Variants in TGFB1I1 observed in about 807,000 individuals in gnomAD.
The protein encoded by TGFB1I1 is transforming growth factor beta-1-induced transcript 1 protein.
Under a neutral mutation model 52.0 loss-of-function variants are expected in TGFB1I1, and 33 were observed. The observed-to-expected ratio is 0.63, with a 90% CI of 0.48 to 0.85. TGFB1I1 has a LOEUF of 0.85. Ranked by LOEUF, TGFB1I1 falls within the 40% of genes least tolerant of loss-of-function variation. TGFB1I1 has a pLI of 0.00. For synonymous variants in TGFB1I1, 236 were observed against 253.3 expected (o/e 0.93, Z 0.65); for missense variants, 577 against 614.9 (o/e 0.94, Z 0.65).
rs1230690762 is a variant in TGFB1I1 at position 31,473,842 on chromosome 16, T to G, written c.190T>G (p.Cys64Gly). 3.1e-6 allele frequency: 5 copies of G among 1,614,012 alleles called. No individual in the cohort carries two copies. In the African/African-American group the frequency reaches 6.7e-5, roughly 22 times the overall value. ...GDKDHLYSTVCKPRSPKPAAP... is the reference protein window; with the variant it reads ...GDKDHLYSTVGKPRSPKPAAP... ...TCCCACTCTGCTTCCCAGCACGGTA[T>G]GCAAGCCTCGGTCCCCAAAGCCTGC... Residue 64 changes from cysteine to glycine, a missense_variant, in exon 4 of 11, where the codon TGC (cysteine) becomes GGC (glycine). Transcript: ENST00000394863.
Position 31,474,721 on chromosome 16 carries a change from C to G in TGFB1I1, c.678C>G (p.Gly226=). ...SRRGVPTQAK[G]LCGSCNKPIA... is the part of the protein sequence containing the mutation. Reference sequence around the variant, plus strand: ...GGGGTGTTCCCACCCAGGCCAAAGGCCTCTGTGGCTCCTGCAATAAACCTA... The same window carrying G: ...GGGGTGTTCCCACCCAGGCCAAAGGGCTCTGTGGCTCCTGCAATAAACCTA... The change falls in exon 7 of 11, where the codon GGC becomes GGG. Residue 226 remains glycine, a synonymous_variant. Transcript: ENST00000394863. The surrounding 1 kb of genome is among the most constrained non-coding windows in gnomAD (Gnocchi z 4.2). 1.9e-6 allele frequency: 3 copies of G among 1,612,002 alleles called. No homozygotes were observed. Among genetic ancestry groups the G allele is most frequent in the Non-Finnish European group, 2.5e-6 (3 of 1,179,336 alleles).
chr16:31,477,122 G>A lies in TGFB1I1; in HGVS notation c.1119+112G>A. On this transcript the variant is annotated intron_variant, in intron 10 of 10. Coordinates refer to ENST00000394863, the MANE Select transcript of TGFB1I1 (RefSeq NM_001042454.3). The surrounding 1 kb of genome is among the most constrained non-coding windows in gnomAD (Gnocchi z 4.7). The stretch of plus-strand genomic sequence containing the variant: ...CAGGGCAGGGGGCGGGCCCTCGGGG[G>A]GGCGGGTCACGGGAGGTGCTGCTAG... 7.2e-7 allele frequency: 1 copy of A among 1,385,134 alleles called. No individual in the cohort carries two copies. The highest frequency in any genetic ancestry group is 9.6e-7 in the Non-Finnish European group (1 of 1,042,882). 85.8% of individuals were successfully genotyped at this position (1,385,134 alleles called of 1,614,324 possible). A position where few individuals can be genotyped will look rare whatever the true frequency, so the allele number is the denominator to read the frequency against.
chr16:31,476,384 C>T lies in TGFB1I1; in HGVS notation c.889-97C>T. On this transcript the variant is annotated intron_variant, in intron 8 of 10. Transcript: ENST00000394863. The surrounding 1 kb of genome is among the most constrained non-coding windows in gnomAD (Gnocchi z 7.6). ...TCCTAGTTAGATCTTCTCCCCCTCC[C>T]CCCACGCATGCCTTAGTCCAGTCAC... 1.5e-6 allele frequency: 2 copies of T among 1,317,056 alleles called. No homozygotes were observed. The highest frequency in any genetic ancestry group is 2.7e-5 in the South Asian group (2 of 75,318). The allele number at this position is 1,317,056 out of a possible 1,614,324, so 81.6% of individuals were successfully genotyped here.
chr16:31,477,358 C>T lies in TGFB1I1; in HGVS notation c.1168C>T (p.Arg390Cys). 6.2e-7 allele frequency: 1 copy of T among 1,611,920 alleles called. No homozygotes were observed. Among genetic ancestry groups the T allele is most frequent in the Non-Finnish European group, 8.5e-7 (1 of 1,179,262 alleles). The stretch of plus-strand genomic sequence containing the variant: ...AGGCAGCTTTTTCGAGCACGAGGGC[C>T]GCCCGTTGTGCGAGAACCACTTCCA... ...SGGSFFEHEG[R>C]PLCENHFHAR... is the part of the protein sequence containing the mutation. The change falls in exon 11 of 11, where the codon CGC becomes TGC. Residue 390 changes from arginine (R) to cysteine (C), a missense_variant. By Grantham distance (180) the Arg-to-Cys change is radical. Transcript: ENST00000394863. The surrounding 1 kb of genome is among the most constrained non-coding windows in gnomAD (Gnocchi z 4.7).
Position 31,476,594 on chromosome 16 carries a change from C to G in TGFB1I1, c.970+32C>G, listed in dbSNP as rs776545976. On this transcript the variant is annotated intron_variant, in intron 9 of 10. Transcript: ENST00000394863. This position sits in a 1 kb window ranked among gnomAD's most constrained non-coding sequence, Gnocchi z 7.6. ...GTGAACTCGACTCCCATCTTAAAAG[C>G]TGCGGGTCCCCTCGACGTCTCGCCC... is the stretch of plus-strand genomic sequence containing the variant. The G allele has an allele frequency of 6.3e-7, 1 of 1,597,908 alleles. No homozygotes were observed. The highest frequency in any genetic ancestry group is 1.1e-5 in the South Asian group (1 of 88,574).
At position 31,477,256 on chromosome 16, in the gene TGFB1I1, G is replaced by T; in HGVS notation, c.1120-54G>T. ...GCGTTATCCGCTAGTAACGCGCGTT[G>T]TCTGGCAGTGGCCGCTGACCTGTCT... is the stretch of plus-strand genomic sequence containing the variant. On this transcript the variant is annotated intron_variant, in intron 10 of 10. Transcript: ENST00000394863. The surrounding 1 kb of genome is among the most constrained non-coding windows in gnomAD (Gnocchi z 4.7). 3 of 1,558,442 alleles carry T rather than the reference G, an allele frequency of 1.9e-6. No homozygotes were observed. Among genetic ancestry groups the T allele is most frequent in the Admixed American group, 1.8e-5 (1 of 56,418 alleles).
At position 31,474,531 on chromosome 16, in the gene TGFB1I1, C is replaced by G; in HGVS notation, c.520-32C>G. ...AGACAATTCCACATCTGCTGCTTTG[C>G]TGACTCAATTCTCATGTCCTCCCCG... On this transcript the variant is annotated intron_variant, in intron 6 of 10. Transcript: ENST00000394863. This position sits in a 1 kb window ranked among gnomAD's most constrained non-coding sequence, Gnocchi z 4.2. The G allele has an allele frequency of 6.2e-7, 1 of 1,611,558 alleles. No homozygotes were observed. Among genetic ancestry groups the G allele is most frequent in the Non-Finnish European group, 8.5e-7 (1 of 1,178,338 alleles).
chr16:31,473,839 G>T lies in TGFB1I1; in HGVS notation c.187G>T (p.Val63Leu). 1.2e-6 allele frequency: 2 copies of T among 1,614,122 alleles called. No homozygotes were observed. Among genetic ancestry groups the T allele is most frequent in the Non-Finnish European group, 1.7e-6 (2 of 1,180,004 alleles). Residue 63 changes from valine (V) to leucine (L), a missense_variant, in exon 4 of 11, where the codon GTA (valine) becomes TTA (leucine). This residue lies in a region of TGFB1I1 where 113 missense variants were observed against 123.9 expected (regional missense o/e 0.91). Coordinates refer to ENST00000394863, the MANE Select transcript of TGFB1I1 (RefSeq NM_001042454.3). ...GGCTCCCACTCTGCTTCCCAGCACG[G>T]TATGCAAGCCTCGGTCCCCAAAGCC... is the stretch of plus-strand genomic sequence containing the variant. Reference protein sequence around the residue: ...SGDKDHLYSTVCKPRSPKPAA... With the variant: ...SGDKDHLYSTLCKPRSPKPAA...
chr16:31,475,385 A>AT (rs1424474255), intron 7 of TGFB1I1: 4 of 152,502 alleles, frequency 2.6e-5, no homozygotes, highest in African/African-American at 7.3e-5. Context: ...CTTCTAGTTC[A>AT]TTTTTTTATT....
At position 31,473,464 on chromosome 16, in the gene TGFB1I1, A is replaced by C; in HGVS notation, c.37A>C (p.Thr13Pro). The change falls in exon 2 of 11, where the codon ACT becomes CCT. Residue 13 changes from threonine to proline, a missense_variant. Coordinates refer to ENST00000394863, the MANE Select transcript of TGFB1I1 (RefSeq NM_001042454.3). ...AGATGCCCTGCTCTCTGACCTGGAG[A>C]CTACCACCTCGCACATGCCAAGGTC... is the stretch of plus-strand genomic sequence containing the variant. ...DLDALLSDLE[T>P]TTSHMPRSGA... 1 of 1,613,522 alleles carries C rather than the reference A, an allele frequency of 6.2e-7. No homozygotes were observed. Among genetic ancestry groups the C allele is most frequent in the Non-Finnish European group, 8.5e-7 (1 of 1,179,912 alleles).
chr16:31,474,791 C>T lies in TGFB1I1; in HGVS notation c.714+34C>T. The T allele has an allele frequency of 6.3e-7, 1 of 1,575,716 alleles. No individual in the cohort carries two copies. Among genetic ancestry groups the T allele is most frequent in the Non-Finnish European group, 8.6e-7 (1 of 1,159,388 alleles). On this transcript the variant is annotated intron_variant, in intron 7 of 10. Coordinates refer to ENST00000394863, the MANE Select transcript of TGFB1I1 (RefSeq NM_001042454.3). This position sits in a 1 kb window ranked among gnomAD's most constrained non-coding sequence, Gnocchi z 4.2. ...AGCCTTGTGAGAAGGGAGGCAGAGA[C>T]CTGTCACAGACCCATCTTTAGTGAG...
At position 31,477,176 on chromosome 16, in the gene TGFB1I1, C is replaced by G; in HGVS notation, c.1120-134C>G. On this transcript the variant is annotated intron_variant, in intron 10 of 10. Coordinates refer to ENST00000394863, the MANE Select transcript of TGFB1I1 (RefSeq NM_001042454.3). The surrounding 1 kb of genome is among the most constrained non-coding windows in gnomAD (Gnocchi z 4.7). ...CCTCGGGTGGGGCGAGTTTTCCGGG[C>G]AGGGTCCCACCGGACGGGATTCTTC... 1 of 1,437,920 alleles carries G rather than the reference C, an allele frequency of 7.0e-7. No homozygotes were observed. Among genetic ancestry groups the G allele is most frequent in the Non-Finnish European group, 9.3e-7 (1 of 1,080,052 alleles). The allele number at this position is 1,437,920 out of a possible 1,614,324, so 89.1% of individuals were successfully genotyped here. A position where few individuals can be genotyped will look rare whatever the true frequency, so the allele number is the denominator to read the frequency against.
At position 31,477,634 on chromosome 16, in the gene TGFB1I1, C is replaced by T; in HGVS notation, c.*58C>T. On this transcript the variant is annotated 3_prime_UTR_variant, in exon 11 of 11. Coordinates refer to ENST00000394863, the MANE Select transcript of TGFB1I1 (RefSeq NM_001042454.3). This position sits in a 1 kb window ranked among gnomAD's most constrained non-coding sequence, Gnocchi z 4.7. The stretch of plus-strand genomic sequence containing the variant: ...CCGCGCCCTCCCGGAAAAGCCGGGT[C>T]CTCCAGACCCCGAGGCCTTGCTCTC... The T allele has an allele frequency of 6.6e-7, 1 of 1,514,622 alleles. No homozygotes were observed. The highest frequency in any genetic ancestry group is 8.8e-7 in the Non-Finnish European group (1 of 1,135,236). The allele number at this position is 1,514,622 out of a possible 1,614,324, so 93.8% of individuals were successfully genotyped here. A position where few individuals can be genotyped will look rare whatever the true frequency, so the allele number is the denominator to read the frequency against.
intron 1 of TGFB1I1, chr16:31,472,816 T>C (rs1056811934): frequency 1.3e-5 from 2 of 152,494 alleles, no homozygotes; most frequent in African/African-American, 4.8e-5. Context: ...AGAGGTGTCT[T>C]GTCCGGAAGG....
chr16:31,476,993 G>T lies in TGFB1I1; in HGVS notation c.1102G>T (p.Asp368Tyr). Reference protein sequence around the residue: ...ISALSALWHPDCFVCRECFAP... With the variant: ...ISALSALWHPYCFVCRECFAP... ...GGCGCTCAGCGCGCTCTGGCACCCG[G>T]ACTGTTTCGTCTGCAGGGTGCGAGC... is the stretch of plus-strand genomic sequence containing the variant. Residue 368 changes from aspartate (D) to tyrosine (Y), a missense_variant, in exon 10 of 11, where the codon GAC becomes TAC. Physicochemically the swap from Asp to Tyr is radical, Grantham distance 160. This residue lies in a region of TGFB1I1 where 456 missense variants were observed against 461.6 expected (regional missense o/e 0.99). Coordinates refer to ENST00000394863, the MANE Select transcript of TGFB1I1 (RefSeq NM_001042454.3). The surrounding 1 kb of genome is among the most constrained non-coding windows in gnomAD (Gnocchi z 7.6). 6.3e-7 allele frequency: 1 copy of T among 1,588,932 alleles called. No individual in the cohort carries two copies.
rs779133421 is a variant in TGFB1I1 at position 31,474,280 on chromosome 16, G to A, written c.413+41G>A. On this transcript the variant is annotated intron_variant, in intron 5 of 10. Transcript: ENST00000394863. The surrounding 1 kb of genome is among the most constrained non-coding windows in gnomAD (Gnocchi z 4.2). Reference sequence around the variant, plus strand: ...TTGTCAGGGCTGAGAGATGAGTCCTGGATATCTGAGTCACTAGAGGGAGCG... The same window carrying A: ...TTGTCAGGGCTGAGAGATGAGTCCTAGATATCTGAGTCACTAGAGGGAGCG... 4.3e-6 allele frequency: 7 copies of A among 1,613,388 alleles called. No homozygotes were observed. The South Asian group carries it at 6.6e-5, about 15-fold the overall frequency.
Position 31,477,493 on chromosome 16 carries a change from C to T in TGFB1I1, c.1303C>T (p.Leu435=), listed in dbSNP as rs1160562333. The T allele has an allele frequency of 4.4e-6, 7 of 1,608,086 alleles. No homozygotes were observed. Among genetic ancestry groups the T allele is most frequent in the African/African-American group, 2.7e-5 (2 of 74,802 alleles). ...HPDHFTCTFC[L]RPLTKGSFQE... Reference sequence around the variant, plus strand: ...GGACCACTTCACATGCACCTTCTGCCTGCGCCCGCTCACCAAGGGGTCCTT... The same window carrying T: ...GGACCACTTCACATGCACCTTCTGCTTGCGCCCGCTCACCAAGGGGTCCTT... The change falls in exon 11 of 11, where the codon CTG becomes TTG. Residue 435 remains leucine, a synonymous_variant. Transcript: ENST00000394863. This position sits in a 1 kb window ranked among gnomAD's most constrained non-coding sequence, Gnocchi z 4.7.
intron 1 of TGFB1I1, 45 bp downstream of exon 1, chr16:31,472,246 C>G: frequency 6.9e-7 from 1 of 1,448,974 alleles, no homozygotes; most frequent in Non-Finnish European, 9.1e-7. Context: ...TCACCGCTGC[C>G]CAGAGCTGCC....
In TGFB1I1 at chr16:31,477,227, C is replaced by T; in HGVS notation, c.1120-83C>T. 1 of 1,527,822 alleles carries T rather than the reference C, an allele frequency of 6.5e-7. No individual in the cohort carries two copies. Among genetic ancestry groups the T allele is most frequent in the South Asian group, 1.3e-5 (1 of 78,312 alleles). 94.6% of individuals were successfully genotyped at this position (1,527,822 alleles called of 1,614,324 possible). On this transcript the variant is annotated intron_variant, in intron 10 of 10. Coordinates refer to ENST00000394863, the MANE Select transcript of TGFB1I1 (RefSeq NM_001042454.3). This position sits in a 1 kb window ranked among gnomAD's most constrained non-coding sequence, Gnocchi z 4.7. ...GCGTCTAGGGCGGGCTGCGGGGTCC[C>T]AGGGCGTTATCCGCTAGTAACGCGC...
Sources: allele counts gnomAD v4.1 joint callset, GRCh38; gene constraint gnomAD v4.1.1; regional missense constraint gnomAD v4.1.1; non-coding constraint Gnocchi (gnomAD v3.1); transcripts MANE v1.5; gene names NCBI Gene and HGNC (gene_info 2026-07-23, HGNC 2026-07-21).